The following ANXA8 variants were observed in gnomAD, a reference collection of about 807,000 sequenced individuals.
ANXA8 encodes the protein VAC-beta.
ANXA8 carries 9 observed loss-of-function variants against 26.8 expected under a neutral mutation model. That is an observed-to-expected ratio of 0.34 (90% CI 0.20 to 0.59). ANXA8 has a LOEUF of 0.59. Among genes scored for constraint, ANXA8 ranks in the 20% least tolerant of loss-of-function variants. ANXA8 has a pLI of 0.84. For missense variants in ANXA8, 83 were observed against 238.5 expected, an observed-to-expected ratio of 0.35 and a Z score of 4.29; for synonymous variants, 39 against 94.8, an observed-to-expected ratio of 0.41 and a Z score of 3.42.
intron 9 of ANXA8, among the ~76,000 whole-genome samples, chr10:47,472,595 A>G (rs1839357885): frequency 6.6e-6 from 1 of 152,052 alleles, no homozygotes. Flanking sequence ...CTGGCCTCAG[A>G]GTGCCCTCTC....
chr10:47,735,106 T>C, the ANXA8 span, among the ~76,000 whole-genome samples: 1 of 151,084 alleles, frequency 6.6e-6, no homozygotes, highest in South Asian at 2.1e-4. Flanking sequence ...TTTGTTTTGT[T>C]TTGCCTTTTT....
At chr10:47,952,227 C>T in the ANXA8 span, among the ~76,000 whole-genome samples, 1 of 151,750 alleles carries the variant, frequency 6.6e-6, no homozygotes, top group African/African-American at 2.4e-5. Context: ...GCAGGAATGT[C>T]CACTTTTGCC....
chr10:47,945,100 C>T, the ANXA8 span, among the ~76,000 whole-genome samples: 1 of 150,530 alleles, frequency 6.6e-6, no homozygotes, highest in African/African-American at 2.5e-5. Context: ...TGCTGACCCC[C>T]AAGACTGGCT....
At chr10:47,648,311 G>A in the ANXA8 span, among the ~76,000 whole-genome samples, 1 of 151,302 alleles carries the variant, frequency 6.6e-6, no homozygotes, top group African/African-American at 2.4e-5. Flanking sequence ...CGGCATCATA[G>A]CAAATTTATT....
At chr10:47,487,861 G>T (rs1355151857), upstream of ANXA8, among the ~76,000 whole-genome samples, 3 of 148,976 alleles carry the variant, frequency 2.0e-5, no homozygotes, top group Non-Finnish European at 4.4e-5. Context: ...TTTTGTCATA[G>T]TTCTAAAGAT....
chr10:47,667,332 A>C, the ANXA8 span, among the ~76,000 whole-genome samples: 1 of 151,924 alleles, frequency 6.6e-6, no homozygotes, highest in Non-Finnish European at 1.5e-5. Flanking sequence ...TGCCTGTTGA[A>C]AGTACAAAAT....
At chr10:47,651,666 A>T in the ANXA8 span, among the ~76,000 whole-genome samples, 1 of 150,324 alleles carries the variant, frequency 6.7e-6, no homozygotes, top group African/African-American at 2.5e-5. Flanking sequence ...AGGCCGAGGC[A>T]GGTGGATCAC....
the ANXA8 span, among the ~76,000 whole-genome samples, chr10:47,609,237 A>G: frequency 4.1e-5 from 6 of 147,556 alleles, no homozygotes; most frequent in African/African-American, 1.6e-4. Context: ...TGGAGCTTGT[A>G]TTTTACTTCA....
At chr10:47,480,859 C>CCCATCCAT (rs566985938) in intron 1 of ANXA8, among the ~76,000 whole-genome samples, 2,618 of 128,534 alleles carry the variant, frequency 0.02, 169 homozygotes, top group African/African-American at 0.066. Flanking sequence ...TATGCACCCG[C>CCCATCCAT]CCATCCATCC....
the ANXA8 span, among the ~76,000 whole-genome samples, chr10:47,516,096 C>T: frequency 9.7e-6 from 1 of 103,382 alleles, no homozygotes; most frequent in African/African-American, 3.9e-5. Context: ...AATAAAAAGA[C>T]AAACTGAAAA....
chr10:47,506,309 T>G, the ANXA8 span, among the ~76,000 whole-genome samples: 2 of 136,684 alleles, frequency 1.5e-5, 1 homozygote. Context: ...CATATTTGCA[T>G]GAGGTTAGGT....
chr10:47,576,630 G>T, the ANXA8 span, among the ~76,000 whole-genome samples: 23 of 151,272 alleles, frequency 1.5e-4, no homozygotes, highest in African/African-American at 5.1e-4. Context: ...CAGCCTCCCA[G>T]GTAGCTGGGA....
At chr10:47,572,158 T>A in the ANXA8 span, among the ~76,000 whole-genome samples, 8 of 129,036 alleles carry the variant, frequency 6.2e-5, no homozygotes, top group East Asian at 1.6e-3. Flanking sequence ...AATTCTAGCC[T>A]CATGGAATGA....
chr10:47,548,694 C>T, the ANXA8 span, among the ~76,000 whole-genome samples: 1 of 149,170 alleles, frequency 6.7e-6, no homozygotes, highest in Non-Finnish European at 1.5e-5. Context: ...ACATTTTCCA[C>T]ACGCTGAGTA....
At chr10:47,693,796 C>T in the ANXA8 span, among the ~76,000 whole-genome samples, 1 of 150,852 alleles carries the variant, frequency 6.6e-6, no homozygotes, top group Non-Finnish European at 1.5e-5. Context: ...GAGCTGCCCA[C>T]AGCATGAGAA....
chr10:47,624,141 C>G, the ANXA8 span, among the ~76,000 whole-genome samples: 1 of 100,620 alleles, frequency 9.9e-6, no homozygotes, highest in African/African-American at 4.0e-5. Flanking sequence ...ACTCGGGAGG[C>G]TGAGGCAGGA....
the ANXA8 span, among the ~76,000 whole-genome samples, chr10:47,652,169 G>A: frequency 1.1e-3 from 174 of 151,936 alleles, no homozygotes; most frequent in Non-Finnish European, 1.9e-3. Context: ...CTGTTAATAG[G>A]TATGGGGTTC....
the ANXA8 span, among the ~76,000 whole-genome samples, chr10:47,749,567 TAAA>T: frequency 6.8e-6 from 1 of 146,306 alleles, no homozygotes; most frequent in African/African-American, 2.5e-5. Context: ...TGGGAAACAA[TAAA>T]AAGTAAAATT....
the ANXA8 span, among the ~76,000 whole-genome samples, chr10:47,527,748 C>T: frequency 7.0e-6 from 1 of 142,128 alleles, no homozygotes; most frequent in African/African-American, 2.6e-5. Context: ...CTTCTCTTCC[C>T]AAGTATTTGG....
Sources: gnomAD v4.1 joint callset for allele counts (sites outside exome capture counted in the v4.1 genomes callset) on GRCh38, gnomAD v4.1.1 for gene constraint, MANE v1.5 for transcripts, NCBI Gene and HGNC (gene_info 2026-07-23, HGNC 2026-07-21) for gene names.